The following SLCO1B1 variants were observed in gnomAD, a reference collection of about 807,000 sequenced individuals.
SLCO1B1 encodes the protein solute carrier organic anion transporter family member 1B1.
A neutral mutation model predicts 70.1 loss-of-function variants in SLCO1B1; 81 were observed. The ratio of observed to expected loss-of-function variants is 1.16; its 90% CI spans 0.97 to 1.39. The LOEUF (loss-of-function observed/expected upper bound fraction) is 1.39, where lower values mean the gene tolerates loss of function less well. Among genes scored for constraint, SLCO1B1 ranks in the 40% most tolerant of loss-of-function variants. The probability of loss-of-function intolerance (pLI) is 0.00; values close to 1 mark genes in which losing one functional copy is unlikely to be tolerated. For missense variants in SLCO1B1, 895 were observed against 799.6 expected, an observed-to-expected ratio of 1.12 and a Z score of -1.44; for synonymous variants, 283 against 271.5, an observed-to-expected ratio of 1.04 and a Z score of -0.42.
rs537407706 is a variant in SLCO1B1, at chr12:21,151,417, T to C, written c.84+9759T>C. Among the ~76,000 whole-genome samples, 5 of 152,302 alleles carry C rather than the reference T, an allele frequency of 3.3e-5. No individual in the cohort carries two copies. The East Asian group carries it at 9.7e-4, about 29-fold the overall frequency. On this transcript the variant is annotated intron_variant, in intron 2 of 14. Transcript: ENST00000256958. Reference sequence around the variant, plus strand: ...CTTCATGGGTAGTATGAGTACCTGATAATAGCAAATTATTTATAATACTTT... The same window carrying C: ...CTTCATGGGTAGTATGAGTACCTGACAATAGCAAATTATTTATAATACTTT...
intron 1 of SLCO1B1, among the ~76,000 whole-genome samples, chr12:21,135,451 A>G (rs1404441089): frequency 2.0e-5 from 3 of 152,104 alleles, no homozygotes; most frequent in Non-Finnish European, 2.9e-5. Context: ...GTCTCCCATT[A>G]TTATTGAGTG....
intron 1 of SLCO1B1, among the ~76,000 whole-genome samples, chr12:21,134,208 TTTGATGTGCTG>T (rs1365330937): frequency 6.6e-6 from 1 of 152,216 alleles, no homozygotes; most frequent in Non-Finnish European, 1.5e-5. Context: ...GGATAAGCTT[TTTGATGTGCTG>T]TTGGATTTGG....
At chr12:21,230,323 C>A (rs1393212966) in intron 14 of SLCO1B1, among the ~76,000 whole-genome samples, 1 of 70,266 alleles carries the variant, frequency 1.4e-5, no homozygotes. Context: ...CTGTAGTATT[C>A]TTTTTTTTTT....
chr12:21,148,731 T>G (rs565720382), intron 2 of SLCO1B1, among the ~76,000 whole-genome samples: 31 of 149,048 alleles, frequency 2.1e-4, no homozygotes, highest in African/African-American at 5.6e-4. Context: ...CATATGAAAT[T>G]TAAAGTAGTT....
At chr12:21,224,025 C>G (rs987665756) in intron 13 of SLCO1B1, among the ~76,000 whole-genome samples, 1 of 152,118 alleles carries the variant, frequency 6.6e-6, no homozygotes, top group Non-Finnish European at 1.5e-5. Flanking sequence ...AACACTAACA[C>G]AAACAAAATT....
At chr12:21,186,489 A>G (rs1488250982) in intron 7 of SLCO1B1, among the ~76,000 whole-genome samples, 1 of 152,086 alleles carries the variant, frequency 6.6e-6, no homozygotes, top group Non-Finnish European at 1.5e-5. Context: ...AACTTTGAAT[A>G]ACACCGTTGG....
intron 7 of SLCO1B1, among the ~76,000 whole-genome samples, chr12:21,188,600 T>G (rs1336406921): frequency 3.9e-5 from 6 of 152,024 alleles, no homozygotes; most frequent in Non-Finnish European, 7.4e-5. Context: ...AAAGGTAGTT[T>G]CTCATGAATA....
intron 2 of SLCO1B1, among the ~76,000 whole-genome samples, chr12:21,162,642 G>GATGTATAATACTTTTTA (rs1940635442): frequency 6.6e-6 from 1 of 152,126 alleles, no homozygotes; most frequent in Non-Finnish European, 1.5e-5. Flanking sequence ...ATAATAAGGA[G>GATGTATAATACTTTTTA]ATGTATAATA....
intron 13 of SLCO1B1, 95 bp from the exon 14 acceptor site, chr12:21,224,627 A>G: frequency 1.2e-6 from 1 of 806,292 alleles, no homozygotes; most frequent in South Asian, 1.5e-5. Flanking sequence ...AAATTTTTGA[A>G]CTTTTATTTA....
chr12:21,158,733 C>T (rs1940574242), intron 2 of SLCO1B1, among the ~76,000 whole-genome samples: 1 of 151,866 alleles, frequency 6.6e-6, no homozygotes, highest in African/African-American at 2.4e-5. Context: ...AATACTATTA[C>T]AATAGCTAAC....
intron 5 of SLCO1B1, among the ~76,000 whole-genome samples, chr12:21,177,848 A>T (rs1426808072): frequency 6.6e-6 from 1 of 152,162 alleles, no homozygotes; most frequent in Non-Finnish European, 1.5e-5. Context: ...TAAAGTTTTG[A>T]TATTAAAGAA....
intron 7 of SLCO1B1, among the ~76,000 whole-genome samples, chr12:21,186,806 TAAG>T (rs2121122159): frequency 6.6e-6 from 1 of 152,188 alleles, no homozygotes; most frequent in African/African-American, 2.4e-5. Flanking sequence ...CAAACTTTTA[TAAG>T]AAAGGCATAA....
chr12:21,136,464 A>G (rs1262898995), intron 1 of SLCO1B1, among the ~76,000 whole-genome samples: 2 of 152,166 alleles, frequency 1.3e-5, no homozygotes, highest in Non-Finnish European at 2.9e-5. Flanking sequence ...ACTTTCAGGT[A>G]CACCAATCAG....
chr12:21,144,338 C>A (rs1173247594), intron 2 of SLCO1B1, among the ~76,000 whole-genome samples: 1 of 151,862 alleles, frequency 6.6e-6, no homozygotes, highest in African/African-American at 2.4e-5. Flanking sequence ...TTGAAGATTA[C>A]CCCTTTGAAT....
chr12:21,155,931 C>T (rs1304777324), intron 2 of SLCO1B1, among the ~76,000 whole-genome samples: 1 of 152,152 alleles, frequency 6.6e-6, no homozygotes, highest in Non-Finnish European at 1.5e-5. Context: ...CTCTGGAGGA[C>T]ACATGCAACC....
chr12:21,176,923 A>C (rs1438095294), intron 5 of SLCO1B1, 26 bp downstream of exon 5: 2 of 1,506,118 alleles, frequency 1.3e-6, no homozygotes, highest in African/African-American at 2.7e-5. Flanking sequence ...GACAGTAAAA[A>C]GTCTTCTAAA....
At chr12:21,217,515 A>T (rs1215899459) in intron 12 of SLCO1B1, among the ~76,000 whole-genome samples, 2 of 152,148 alleles carry the variant, frequency 1.3e-5, no homozygotes, top group African/African-American at 2.4e-5. Context: ...TCCAGATTCC[A>T]TACGTTTCTT....
chr12:21,204,468 C>G (rs1259070378), intron 10 of SLCO1B1, among the ~76,000 whole-genome samples: 1 of 150,662 alleles, frequency 6.6e-6, no homozygotes, highest in African/African-American at 2.4e-5. Flanking sequence ...GGAACAAGCC[C>G]TCAATCTTTT....
rs1286297807 is a variant in SLCO1B1, at chr12:21,169,385, G to T, written c.85-3265G>T. Among the ~76,000 whole-genome samples the T allele has an allele frequency of 2.0e-5, 3 of 152,078 alleles. No individual in the cohort carries two copies. The South Asian group carries it at 6.2e-4, about 32-fold the overall frequency. On this transcript the variant is annotated intron_variant, in intron 2 of 14. Coordinates refer to ENST00000256958, the MANE Select transcript of SLCO1B1 (RefSeq NM_006446.5). ...CCATAATGCATATGTTGCCCTGCTG[G>T]ATGGAGTCCCATAATTTCTTTAGGC...
Sources: allele counts gnomAD v4.1 joint callset (sites outside exome capture counted in the v4.1 genomes callset), GRCh38; gene constraint gnomAD v4.1.1; transcripts MANE v1.5; gene names NCBI Gene and HGNC (gene_info 2026-07-23, HGNC 2026-07-21).